TREML2: variants seen among roughly 807,000 people sequenced by gnomAD.
TREML2 encodes trem-like transcript 2 protein.
In TREML2, 24 loss-of-function variants were observed where a neutral mutation model predicts 25.9. That is an observed-to-expected ratio of 0.93 (90% CI 0.67 to 1.30). The LOEUF is 1.30. TREML2 is among the 50% of genes most tolerant of loss of function. TREML2 has a pLI of 0.00. For missense variants in TREML2, 359 were observed against 395.6 expected (o/e 0.91, Z 0.78); for synonymous variants, 139 against 155.2 (o/e 0.90, Z 0.77).
intron 2 of TREML2, among the ~76,000 whole-genome samples, chr6:41,196,623 A>G (rs865993973): frequency 6.6e-6 from 1 of 152,204 alleles, no homozygotes; most frequent in Non-Finnish European, 1.5e-5. Context: ...TTATGCAACC[A>G]TCATCACAGT....
chr6:41,193,381 C>T (rs944569154), intron 3 of TREML2, among the ~76,000 whole-genome samples: 6 of 152,112 alleles, frequency 3.9e-5, no homozygotes, highest in African/African-American at 1.2e-4. Flanking sequence ...CACTAGAGCC[C>T]TCTATGCCAC....
At chr6:41,199,722 A>G (rs1766241986) in intron 1 of TREML2, among the ~76,000 whole-genome samples, 1 of 152,166 alleles carries the variant, frequency 6.6e-6, no homozygotes, top group African/African-American at 2.4e-5. Context: ...AACCACATAT[A>G]AAAAGACTCT....
Position 41,201,029 on chromosome 6 carries a change from T to C in TREML2, c.-21A>G, listed in dbSNP as rs768745691. On this transcript the variant is annotated 5_prime_UTR_variant, in exon 1 of 5. Coordinates refer to ENST00000483722, the MANE Select transcript of TREML2 (RefSeq NM_024807.4). The stretch of plus-strand genomic sequence containing the variant: ...GCCATGGTTCCATCCAGCTGGGCAG[T>C]GTCAGGCCTGGAGATCCAAGGTGAG... 4 of 1,611,390 alleles carry C rather than the reference T, an allele frequency of 2.5e-6. No homozygotes were observed. The African/African-American group carries it at 4.0e-5, about 16-fold the overall frequency.
At chr6:41,197,533 G>A (rs56302558) in intron 2 of TREML2, among the ~76,000 whole-genome samples, 27,509 of 152,140 alleles carry the variant, frequency 0.18, 2,583 homozygotes, top group East Asian at 0.33. Flanking sequence ...TCTGCTTGGT[G>A]TTGTCTGCTA....
chr6:41,199,030 T>C (rs2006080), intron 1 of TREML2, among the ~76,000 whole-genome samples: 111,985 of 152,072 alleles, frequency 0.74, 42,435 homozygotes, highest in East Asian at 0.91. Flanking sequence ...GTCCGGCTAA[T>C]TTTTTGTATT....
rs753025838 is a variant in TREML2, at chr6:41,200,982, C to T, written c.27G>A (p.Leu9=). 30 of 1,589,056 alleles carry T rather than the reference C, an allele frequency of 1.9e-5. No homozygotes were observed. The highest frequency in any genetic ancestry group is 2.5e-5 in the Non-Finnish European group (29 of 1,167,648). The change falls in exon 1 of 5, where the codon CTG becomes CTA. Residue 9 remains leucine (L), a synonymous_variant. Transcript: ENST00000483722. The part of the protein sequence containing the change: MAPAFLLL[L]LLWPQGCVSG... ...AGACGCAACCCTGTGGCCACAGCAG[C>T]AGCAGCAGCAGGAAGGCTGGGGCCA...
chr6:41,198,520 G>T lies in TREML2; in HGVS notation c.56-91C>A, dbSNP rs2113909031. 3.8e-6 allele frequency: 5 copies of T among 1,330,526 alleles called. No individual in the cohort carries two copies. In the East Asian group the frequency reaches 1.2e-4, roughly 31 times the overall value. The allele number at this position is 1,330,526 out of a possible 1,614,324, so 82.4% of individuals were successfully genotyped here. A position where few individuals can be genotyped will look rare whatever the true frequency, so the allele number is the denominator to read the frequency against. On this transcript the variant is annotated intron_variant, in intron 1 of 4. Coordinates refer to ENST00000483722, the MANE Select transcript of TREML2 (RefSeq NM_024807.4). ...GAAGATCATGGTGAAGGGTAGAGTG[G>T]ATATTGTCCTGCTGTCACAGAACCC...
intron 1 of TREML2, among the ~76,000 whole-genome samples, chr6:41,198,684 A>G (rs1282256003): frequency 6.6e-6 from 1 of 152,152 alleles, no homozygotes; most frequent in Non-Finnish European, 1.5e-5. Flanking sequence ...TTTCAGTCTG[A>G]TGGAGGAGGC....
intron 2 of TREML2, 92 bp downstream of exon 2, chr6:41,198,017 T>C: frequency 7.8e-7 from 1 of 1,285,768 alleles, no homozygotes; most frequent in Non-Finnish European, 1.1e-6. Flanking sequence ...TGACCACTGA[T>C]GGATTATTAT....
At position 41,192,960 on chromosome 6, in the gene TREML2, C is replaced by T. The variant is rs1005266620; in HGVS notation, c.786-59G>A. ...CACCAAGGTCCCCCATCCTAACCCA[C>T]GTTGGGATCGGACCAGCAGCAGAAA... On this transcript the variant is annotated intron_variant, in intron 3 of 4. Transcript: ENST00000483722. 35 of 1,376,142 alleles carry T rather than the reference C, an allele frequency of 2.5e-5. No individual in the cohort carries two copies. The East Asian group carries it at 3.8e-4, about 15-fold the overall frequency. 85.2% of individuals were successfully genotyped at this position (1,376,142 alleles called of 1,614,324 possible).
chr6:41,199,517 C>G (rs1582099949), intron 1 of TREML2, among the ~76,000 whole-genome samples: 2 of 152,330 alleles, frequency 1.3e-5, no homozygotes. Flanking sequence ...ATATCTTTCT[C>G]TCTATGCTGA....
In TREML2 at chr6:41,191,263, CGCCAA is replaced by C. The variant is rs1766056854; in HGVS notation, c.*1159_*1163del. The C allele has an allele frequency of 6.6e-6, 1 of 152,242 alleles. No homozygotes were observed. Among genetic ancestry groups the C allele is most frequent in the Non-Finnish European group, 1.4e-5 (1 of 69,498 alleles). The allele number at this position is 152,242 out of a possible 1,614,324, so 9.4% of individuals were successfully genotyped here. A position where few individuals can be genotyped will look rare whatever the true frequency, so the allele number is the denominator to read the frequency against. On this transcript the variant is annotated 3_prime_UTR_variant, in exon 5 of 5. Coordinates refer to ENST00000483722, the MANE Select transcript of TREML2 (RefSeq NM_024807.4). ...GCATTCTCCAGCCTTCATTGCTGGACGCCAAGCCAGTGCTCTGGACAATAGAGGCT... is the reference window on the plus strand; with the variant it reads ...GCATTCTCCAGCCTTCATTGCTGGACGCCAGTGCTCTGGACAATAGAGGCT...
Position 41,191,947 on chromosome 6 carries a change from A to C in TREML2, c.*480T>G, listed in dbSNP as rs1404710126. On this transcript the variant is annotated 3_prime_UTR_variant, in exon 5 of 5. Coordinates refer to ENST00000483722, the MANE Select transcript of TREML2 (RefSeq NM_024807.4). The stretch of plus-strand genomic sequence containing the variant: ...TTCCTCTCCTCCAGGATGGGACATC[A>C]CTGCCTCTGGCATTCGTGAGCCCGA... The C allele has an allele frequency of 6.0e-6, 1 of 165,688 alleles. No homozygotes were observed. Among genetic ancestry groups the C allele is most frequent in the Non-Finnish European group, 1.3e-5 (1 of 75,084 alleles). 10.3% of individuals were successfully genotyped at this position (165,688 alleles called of 1,614,324 possible). A position where few individuals can be genotyped will look rare whatever the true frequency, so the allele number is the denominator to read the frequency against.
chr6:41,192,368 C>T lies in TREML2; in HGVS notation c.*59G>A. The T allele has an allele frequency of 7.2e-7, 1 of 1,381,674 alleles. No individual in the cohort carries two copies. Among genetic ancestry groups the T allele is most frequent in the Non-Finnish European group, 1.0e-6 (1 of 975,228 alleles). 85.6% of individuals were successfully genotyped at this position (1,381,674 alleles called of 1,614,324 possible). A position where few individuals can be genotyped will look rare whatever the true frequency, so the allele number is the denominator to read the frequency against. ...TCGATACTGGCCCCAATCTTCACCC[C>T]TCCTCTAACCCCCTGGGGCCACTCT... On this transcript the variant is annotated 3_prime_UTR_variant, in exon 5 of 5. Transcript: ENST00000483722.
At chr6:41,200,430 C>T (rs1420185660) in intron 1 of TREML2, among the ~76,000 whole-genome samples, 1 of 152,134 alleles carries the variant, frequency 6.6e-6, no homozygotes, top group Non-Finnish European at 1.5e-5. Context: ...GAAGTGGTAA[C>T]TTGGTTGCCA....
chr6:41,199,590 G>A (rs1168891416), intron 1 of TREML2, among the ~76,000 whole-genome samples: 3 of 152,210 alleles, frequency 2.0e-5, no homozygotes, highest in Non-Finnish European at 2.9e-5. Context: ...CAGAACTGGG[G>A]TGTGCAGGGT....
chr6:41,200,281 C>T (rs1766251726), intron 1 of TREML2, among the ~76,000 whole-genome samples: 2 of 152,232 alleles, frequency 1.3e-5, no homozygotes, highest in Non-Finnish European at 2.9e-5. Context: ...AGCTGTTTCT[C>T]TACCCTCTGG....
At chr6:41,194,213 C>T (rs574150803) in intron 3 of TREML2, among the ~76,000 whole-genome samples, 36 of 109,314 alleles carry the variant, frequency 3.3e-4, no homozygotes, top group African/African-American at 1.3e-3. Context: ...CCTCCCCACC[C>T]CCGACCCTCC....
Position 41,201,016 on chromosome 6 carries a change from T to A in TREML2, c.-8A>T, listed in dbSNP as rs770979895. ...CAGGAAGGCTGGGGCCATGGTTCCA[T>A]CCAGCTGGGCAGTGTCAGGCCTGGA... On this transcript the variant is annotated 5_prime_UTR_variant, in exon 1 of 5. An upstream start codon of the reference 5' UTR is lost. Transcript: ENST00000483722. 6 of 1,609,776 alleles carry A rather than the reference T, an allele frequency of 3.7e-6. No homozygotes were observed. Among genetic ancestry groups the A allele is most frequent in the Non-Finnish European group, 4.2e-6 (5 of 1,177,780 alleles).
Sources: allele counts gnomAD v4.1 joint callset (sites outside exome capture counted in the v4.1 genomes callset), GRCh38; gene constraint gnomAD v4.1.1; transcripts MANE v1.5; gene names NCBI Gene and HGNC (gene_info 2026-07-23, HGNC 2026-07-21).